The following SLC9A9 variants were observed in gnomAD, a reference collection of about 807,000 sequenced individuals.
SLC9A9 encodes solute carrier family 9 member A9, also known as sodium/hydrogen exchanger 9.
In SLC9A9, 62 loss-of-function variants were observed where a neutral mutation model predicts 77.8. The observed-to-expected ratio is 0.80, with a 90% CI of 0.65 to 0.98. The LOEUF is 0.98. Among genes scored for constraint, SLC9A9 ranks in the 50% least tolerant of loss-of-function variants. The pLI is 0.00. For synonymous variants in SLC9A9, 320 were observed against 283.5 expected, an observed-to-expected ratio of 1.13 and a Z score of -1.29; for missense variants, 775 against 774.9, an observed-to-expected ratio of 1.00 and a Z score of 0.00.
At chr3:143,802,099 T>C (rs1453732017) in intron 2 of SLC9A9, among the ~76,000 whole-genome samples, 1 of 152,086 alleles carries the variant, frequency 6.6e-6, no homozygotes, top group Non-Finnish European at 1.5e-5. Context: ...GGCCAGTTTT[T>C]CTCCTTCTCA....
intron 13 of SLC9A9, 27 bp from the exon 14 acceptor site, chr3:143,363,590 T>C (rs1389355652): frequency 1.3e-6 from 2 of 1,587,486 alleles, no homozygotes; most frequent in African/African-American, 1.3e-5. Context: ...GAAAAAGGCA[T>C]TGGGTAAATA....
chr3:143,549,323 G>A (rs2108636505), intron 9 of SLC9A9, among the ~76,000 whole-genome samples: 1 of 152,258 alleles, frequency 6.6e-6, no homozygotes, highest in Non-Finnish European at 1.5e-5. Context: ...TATGGGATGT[G>A]CATGTGTATA....
At chr3:143,795,943 G>C (rs1361067433) in intron 3 of SLC9A9, among the ~76,000 whole-genome samples, 1 of 147,110 alleles carries the variant, frequency 6.8e-6, no homozygotes, top group African/African-American at 2.5e-5. Flanking sequence ...GCAAGAGGGA[G>C]CCTGGAGTAC....
chr3:143,437,734 A>G (rs2034649931), intron 12 of SLC9A9, among the ~76,000 whole-genome samples: 1 of 152,244 alleles, frequency 6.6e-6, no homozygotes, highest in Non-Finnish European at 1.5e-5. Context: ...AACTGGCAGT[A>G]GAAACAATTA....
intron 9 of SLC9A9, among the ~76,000 whole-genome samples, chr3:143,500,161 A>C (rs2035902295): frequency 6.6e-6 from 1 of 152,176 alleles, no homozygotes; most frequent in African/African-American, 2.4e-5. Flanking sequence ...ATATTTAATA[A>C]ATATGGGCTT....
chr3:143,606,436 C>CTCTCTCTCTCTCTATATATATATATATA (rs1419410834), intron 6 of SLC9A9, among the ~76,000 whole-genome samples: 4 of 54,186 alleles, frequency 7.4e-5, no homozygotes, highest in African/African-American at 3.1e-4. Flanking sequence ...CTCTCTCTCT[C>CTCTCTCTCTCTCTATATATATATATATA]TATATATATA....
chr3:143,665,128 A>T (rs1314281058), intron 5 of SLC9A9, among the ~76,000 whole-genome samples: 2 of 152,226 alleles, frequency 1.3e-5, no homozygotes, highest in African/African-American at 4.8e-5. Context: ...AAATTATAAC[A>T]AACTGTTTCT....
intron 12 of SLC9A9, among the ~76,000 whole-genome samples, chr3:143,419,629 T>A (rs2034261943): frequency 6.6e-6 from 1 of 152,164 alleles, no homozygotes. Flanking sequence ...TATGAAGGCC[T>A]ACCCTGTGTT....
chr3:143,445,783 A>G (rs1421911074), intron 12 of SLC9A9, among the ~76,000 whole-genome samples: 1 of 152,252 alleles, frequency 6.6e-6, no homozygotes, highest in African/African-American at 2.4e-5. Flanking sequence ...AATTAGGTGG[A>G]GTGTGTCTTA....
At chr3:143,578,189 C>A (rs1404272154) in intron 7 of SLC9A9, among the ~76,000 whole-genome samples, 1 of 152,164 alleles carries the variant, frequency 6.6e-6, no homozygotes, top group East Asian at 1.9e-4. Flanking sequence ...AGAGGCAGAT[C>A]ATACCCAATT....
intron 4 of SLC9A9, among the ~76,000 whole-genome samples, chr3:143,725,895 A>T (rs1042694993): frequency 1.4e-4 from 4 of 28,738 alleles, no homozygotes; most frequent in Non-Finnish European, 2.9e-4. Flanking sequence ...ATAATAATAA[A>T]AAAAAGAAAA....
At chr3:143,627,509 A>T in intron 6 of SLC9A9, 1 of 284,296 alleles carries the variant, frequency 3.5e-6, no homozygotes, top group Non-Finnish European at 6.9e-6. Flanking sequence ...GCACAGACAC[A>T]GTATGCCACA....
At chr3:143,657,976 C>T (rs2038919720) in intron 5 of SLC9A9, among the ~76,000 whole-genome samples, 1 of 152,156 alleles carries the variant, frequency 6.6e-6, no homozygotes, top group African/African-American at 2.4e-5. Context: ...AAGTGATTCT[C>T]CTGCCTAAGC....
intron 13 of SLC9A9, among the ~76,000 whole-genome samples, chr3:143,364,887 T>A (rs2032857592): frequency 6.6e-6 from 1 of 152,210 alleles, no homozygotes; most frequent in African/African-American, 2.4e-5. Flanking sequence ...AGAGAATCAC[T>A]GTTCATTTGA....
intron 8 of SLC9A9, among the ~76,000 whole-genome samples, chr3:143,565,113 C>A (rs1203287110): frequency 1.3e-5 from 2 of 152,128 alleles, no homozygotes; most frequent in Non-Finnish European, 2.9e-5. Flanking sequence ...AGGCCAGTTG[C>A]CCACTGTACT....
chr3:143,547,640 C>T (rs944818435), intron 9 of SLC9A9, among the ~76,000 whole-genome samples: 1 of 152,220 alleles, frequency 6.6e-6, no homozygotes, highest in Non-Finnish European at 1.5e-5. Flanking sequence ...GTTCTCCTGC[C>T]CCAGGGGGCC....
chr3:143,278,204 T>A lies in SLC9A9; in HGVS notation c.1605-9224A>T, dbSNP rs189681773. Among the ~76,000 whole-genome samples, 340 of 152,202 alleles carry A rather than the reference T, an allele frequency of 2.2e-3. 3 individuals carry two copies. Among genetic ancestry groups the A allele is most frequent in the African/African-American group, 7.7e-3 (321 of 41,484 alleles). ...GCAACTGCAGTGTAGGCCCCACAGGTTCGGATTCTCAGAGCACTAAGTCAA... is the reference window on the plus strand; with the variant it reads ...GCAACTGCAGTGTAGGCCCCACAGGATCGGATTCTCAGAGCACTAAGTCAA... On this transcript the variant is annotated intron_variant, in intron 14 of 15. Coordinates refer to ENST00000316549, the MANE Select transcript of SLC9A9 (RefSeq NM_173653.4).
chr3:143,610,792 A>G (rs900742393), intron 6 of SLC9A9, among the ~76,000 whole-genome samples: 1 of 152,220 alleles, frequency 6.6e-6, no homozygotes, highest in African/African-American at 2.4e-5. Context: ...TGGTTCACAG[A>G]TAATGAGATT....
At chr3:143,274,377 T>A (rs1462374270) in intron 14 of SLC9A9, among the ~76,000 whole-genome samples, 2 of 152,328 alleles carry the variant, frequency 1.3e-5, no homozygotes, top group East Asian at 3.9e-4. Context: ...AAGAAATCTG[T>A]AAACAGATGG....
Sources: allele counts gnomAD v4.1 joint callset (sites outside exome capture counted in the v4.1 genomes callset), GRCh38; gene constraint gnomAD v4.1.1; transcripts MANE v1.5; gene names NCBI Gene and HGNC (gene_info 2026-07-23, HGNC 2026-07-21).